Variants in QKI observed in about 807,000 individuals in gnomAD.
QKI encodes QKI, KH domain containing RNA binding.
Under a neutral mutation model 39.0 loss-of-function variants are expected in QKI, and 10 were observed. The ratio of observed to expected loss-of-function variants is 0.26; its 90% confidence interval spans 0.16 to 0.43. The LOEUF (loss-of-function observed/expected upper bound fraction) is 0.43, where lower values mean the gene tolerates loss of function less well. Ranked by LOEUF, QKI falls within the 20% of genes least tolerant of loss-of-function variation. QKI has a pLI of 1.00. For missense variants in QKI, 218 were observed against 428.0 expected, an observed-to-expected ratio of 0.51 and a Z score of 4.33; for synonymous variants, 204 against 155.4, an observed-to-expected ratio of 1.31 and a Z score of -2.33.
intron 2 of QKI, among the ~76,000 whole-genome samples, chr6:163,464,343 G>A (rs1791570663): frequency 6.6e-6 from 1 of 151,624 alleles, no homozygotes; most frequent in African/African-American, 2.4e-5. Flanking sequence ...TAAACAGAAG[G>A]AATGAAATAA....
chr6:163,498,188 T>A (rs1247777779), intron 3 of QKI, among the ~76,000 whole-genome samples: 5 of 125,556 alleles, frequency 4.0e-5, no homozygotes, highest in South Asian at 2.7e-4. Context: ...GCAGCTGTGG[T>A]AAAAAAAAAA....
chr6:163,548,593 A>G (rs1782033309), intron 4 of QKI, among the ~76,000 whole-genome samples: 1 of 152,194 alleles, frequency 6.6e-6, no homozygotes, highest in South Asian at 2.1e-4. Flanking sequence ...AAAAGATTGT[A>G]ATAGAACATG....
chr6:163,492,443 T>C (rs1778116328), intron 3 of QKI, among the ~76,000 whole-genome samples: 1 of 152,188 alleles, frequency 6.6e-6, no homozygotes, highest in South Asian at 2.1e-4. Flanking sequence ...GTTTAATGTT[T>C]AACAACAATT....
intron 2 of QKI, among the ~76,000 whole-genome samples, chr6:163,456,821 G>C (rs1790957150): frequency 6.6e-6 from 1 of 152,046 alleles, no homozygotes; most frequent in South Asian, 2.1e-4. Flanking sequence ...TAGGAATCAG[G>C]GCATCTGAGA....
chr6:163,514,259 A>T (rs985616337), intron 3 of QKI, among the ~76,000 whole-genome samples: 4 of 152,144 alleles, frequency 2.6e-5, no homozygotes, highest in Non-Finnish European at 1.5e-5. Context: ...AGAATAGGTG[A>T]CACACTGTAA....
intron 2 of QKI, among the ~76,000 whole-genome samples, chr6:163,467,877 G>T (rs1427387803): frequency 1.3e-5 from 2 of 152,146 alleles, no homozygotes; most frequent in Non-Finnish European, 2.9e-5. Context: ...GCCATCTCCA[G>T]ATAAAACCAT....
intron 4 of QKI, among the ~76,000 whole-genome samples, chr6:163,549,636 C>T (rs910526474): frequency 7.2e-5 from 11 of 152,174 alleles, no homozygotes; most frequent in African/African-American, 2.7e-4. Flanking sequence ...CATTTGAACC[C>T]AGGAGGTGGA....
chr6:163,486,385 A>G (rs986643620), intron 3 of QKI, among the ~76,000 whole-genome samples: 1 of 152,174 alleles, frequency 6.6e-6, no homozygotes, highest in African/African-American at 2.4e-5. Flanking sequence ...GAAGAACTAC[A>G]GTGTTTTGTG....
chr6:163,513,522 G>T (rs910005729), intron 3 of QKI, among the ~76,000 whole-genome samples: 2 of 152,120 alleles, frequency 1.3e-5, no homozygotes, highest in African/African-American at 2.4e-5. Flanking sequence ...TACATTAAAA[G>T]AAAAATGTAA....
intron 2 of QKI, chr6:163,457,323 G>A: frequency 2.2e-6 from 1 of 455,992 alleles, no homozygotes; most frequent in South Asian, 1.5e-5. Context: ...AGTCTTCTAA[G>A]TCAGGACTTG....
intron 1 of QKI, chr6:163,423,165 A>C (rs1391751400): frequency 6.6e-6 from 1 of 152,148 alleles, no homozygotes; most frequent in Non-Finnish European, 1.5e-5. Flanking sequence ...GAGTGTGCCT[A>C]CAGTGCCAGC....
At chr6:163,570,598 A>C in intron 7 of QKI, 96 bp from the exon 8 acceptor site, 1 of 1,566,602 alleles carries the variant, frequency 6.4e-7, no homozygotes, top group Non-Finnish European at 8.6e-7. Context: ...TTAGTTTTTC[A>C]TGTTGTCATT....
chr6:163,531,247 TTCCCTTGC>T (rs1780830759), intron 3 of QKI, among the ~76,000 whole-genome samples: 1 of 152,196 alleles, frequency 6.6e-6, no homozygotes, highest in African/African-American at 2.4e-5. Context: ...TGGGCCTGGG[TTCCCTTGC>T]TCTGCATTTG....
At chr6:163,439,629 CA>C (rs544385989) in intron 1 of QKI, among the ~76,000 whole-genome samples, 163 of 149,480 alleles carry the variant, frequency 1.1e-3, no homozygotes, top group African/African-American at 3.9e-3. Flanking sequence ...GTTGAGATTA[CA>C]GGCATGAGCC....
chr6:163,561,478 C>T (rs1251161520), intron 4 of QKI, among the ~76,000 whole-genome samples: 3 of 152,020 alleles, frequency 2.0e-5, no homozygotes, highest in African/African-American at 2.4e-5. Context: ...CATGGTGGCG[C>T]GTGCCTCTAG....
At chr6:163,566,402 C>T in intron 6 of QKI, 1 of 1,223,714 alleles carries the variant, frequency 8.2e-7, no homozygotes, top group South Asian at 1.9e-5. Flanking sequence ...GCAAGAAAGG[C>T]ACTTCAGTGA....
intron 4 of QKI, among the ~76,000 whole-genome samples, chr6:163,555,894 CAT>C (rs1183093188): frequency 3.3e-5 from 5 of 152,016 alleles, no homozygotes; most frequent in Non-Finnish European, 5.9e-5. Context: ...TACTTTCTAA[CAT>C]GTGGTCTGAT....
At chr6:163,427,504 G>A (rs1788505463) in intron 1 of QKI, among the ~76,000 whole-genome samples, 1 of 151,880 alleles carries the variant, frequency 6.6e-6, no homozygotes, top group Admixed American at 6.6e-5. Flanking sequence ...CTCATTCTGT[G>A]TATACTAAGT....
intron 3 of QKI, among the ~76,000 whole-genome samples, chr6:163,515,484 G>A (rs1262536923): frequency 1.3e-5 from 2 of 152,054 alleles, no homozygotes; most frequent in Non-Finnish European, 2.9e-5. Context: ...GCCATAAATG[G>A]AGAGATGGAA....
Sources: gnomAD v4.1 joint callset for allele counts (sites outside exome capture counted in the v4.1 genomes callset) on GRCh38, gnomAD v4.1.1 for gene constraint, MANE v1.5 for transcripts, NCBI Gene and HGNC (gene_info 2026-07-23, HGNC 2026-07-21) for gene names.